LY6S: variants seen among roughly 807,000 people sequenced by gnomAD.
LY6S encodes the protein lymphocyte antigen 6 family member S.
chr8:143,066,085 C>T, the LY6S span: 25 of 414,528 alleles, frequency 6.0e-5, no homozygotes, highest in Non-Finnish European at 9.7e-5. Context: ...ACATAGGCAT[C>T]GAAGACACTC....
chr8:143,052,149 C>T, the LY6S span, among the ~76,000 whole-genome samples: 8 of 151,276 alleles, frequency 5.3e-5, no homozygotes, highest in East Asian at 2.0e-4. Context: ...GGCGTGGTGG[C>T]GGGCGCCTGT....
chr8:143,070,036 C>T, the LY6S span, among the ~76,000 whole-genome samples: 1 of 152,050 alleles, frequency 6.6e-6, no homozygotes, highest in African/African-American at 2.4e-5. Context: ...CTGTCGCTGT[C>T]CTGGAGGCTG....
the LY6S span, among the ~76,000 whole-genome samples, chr8:143,063,512 G>A: frequency 1.3e-5 from 2 of 152,170 alleles, no homozygotes; most frequent in African/African-American, 4.8e-5. Context: ...CCTCGCTTCT[G>A]TTACCTCGGA....
chr8:143,050,669 G>C, the LY6S span, among the ~76,000 whole-genome samples: 1 of 152,150 alleles, frequency 6.6e-6, no homozygotes, highest in African/African-American at 2.4e-5. Flanking sequence ...ATGCCAGCCT[G>C]TTCCTGGGAG....
At chr8:143,062,414 T>C in the LY6S span, among the ~76,000 whole-genome samples, 1 of 152,168 alleles carries the variant, frequency 6.6e-6, no homozygotes, top group African/African-American at 2.4e-5. Flanking sequence ...ACGCCTGTAA[T>C]CCCAGCACTC....
At chr8:143,054,784 T>C in the LY6S span, among the ~76,000 whole-genome samples, 1 of 152,142 alleles carries the variant, frequency 6.6e-6, no homozygotes, top group South Asian at 2.1e-4. Flanking sequence ...AGTATTATCC[T>C]CTCTATTGGG....
chr8:143,070,269 A>G, the LY6S span, among the ~76,000 whole-genome samples: 5 of 150,010 alleles, frequency 3.3e-5, no homozygotes, highest in Admixed American at 1.3e-4. Context: ...TTCAAATGCT[A>G]TCACATTCTG....
the LY6S span, chr8:143,044,920 C>CA: frequency 1.9e-4 from 198 of 1,056,562 alleles, no homozygotes; most frequent in Non-Finnish European, 2.4e-4. Context: ...CCCAACCTGC[C>CA]ACCTGGACCT....
At chr8:143,049,593 T>C in the LY6S span, among the ~76,000 whole-genome samples, 18 of 152,352 alleles carry the variant, frequency 1.2e-4, no homozygotes, top group East Asian at 3.3e-3. Context: ...CCAGGCCCCA[T>C]GGCCCAACTC....
At chr8:143,062,846 C>T in the LY6S span, among the ~76,000 whole-genome samples, 1 of 152,222 alleles carries the variant, frequency 6.6e-6, no homozygotes, top group South Asian at 2.1e-4. Context: ...TCAAAATTCG[C>T]CTGCTGAGTC....
the LY6S span, among the ~76,000 whole-genome samples, chr8:143,048,485 T>G: frequency 6.7e-6 from 1 of 149,904 alleles, no homozygotes; most frequent in South Asian, 2.1e-4. Flanking sequence ...TTTTTTTTTT[T>G]TTTTTGAGAC....
the LY6S span, among the ~76,000 whole-genome samples, chr8:143,062,447 C>G: frequency 1.3e-5 from 2 of 152,200 alleles, no homozygotes; most frequent in Non-Finnish European, 2.9e-5. Context: ...GCGGGTGGAT[C>G]ATGAGGTCAG....
the LY6S span, among the ~76,000 whole-genome samples, chr8:143,063,721 G>A: frequency 6.6e-6 from 1 of 152,164 alleles, no homozygotes; most frequent in Non-Finnish European, 1.5e-5. Context: ...CAGTTTCTGG[G>A]TTTAAGACTC....
chr8:143,076,377 G>A, the LY6S span, among the ~76,000 whole-genome samples: 1 of 152,206 alleles, frequency 6.6e-6, no homozygotes, highest in Non-Finnish European at 1.5e-5. Context: ...CAGCAGCAGA[G>A]AGGGGTCTCG....
the LY6S span, among the ~76,000 whole-genome samples, chr8:143,058,184 G>A: frequency 1.9e-4 from 29 of 152,156 alleles, no homozygotes; most frequent in South Asian, 4.1e-4. Flanking sequence ...CGCGTGCGGC[G>A]ACAAGAGATT....
At chr8:143,059,167 T>G in the LY6S span, among the ~76,000 whole-genome samples, 1 of 152,154 alleles carries the variant, frequency 6.6e-6, no homozygotes, top group Non-Finnish European at 1.5e-5. Flanking sequence ...GTGCAGGGAT[T>G]ACAGTCATGA....
At chr8:143,043,377 C>T in the LY6S span, 3,708 of 619,566 alleles carry the variant, frequency 6.0e-3, 108 homozygotes, top group African/African-American at 0.068. Context: ...AGGGCCCTGC[C>T]CCGGGGCCTC....
chr8:143,068,820 T>A, the LY6S span, among the ~76,000 whole-genome samples: 1 of 152,128 alleles, frequency 6.6e-6, no homozygotes, highest in African/African-American at 2.4e-5. Context: ...CTACCATGCT[T>A]AAGATAAAAT....
the LY6S span, chr8:143,057,758 G>A: frequency 8.9e-6 from 7 of 786,560 alleles, no homozygotes; most frequent in East Asian, 1.7e-4. Flanking sequence ...GATCTGATCA[G>A]CTCTATCTAG....
Sources: gnomAD v4.1 joint callset for allele counts (sites outside exome capture counted in the v4.1 genomes callset) on GRCh38, gnomAD v4.1.1 for gene constraint, MANE v1.5 for transcripts, NCBI Gene and HGNC (gene_info 2026-07-23, HGNC 2026-07-21) for gene names.